Variants in SOBP observed in about 807,000 individuals in gnomAD.
SOBP encodes the protein sine oculis-binding protein homolog.
Under a neutral mutation model 53.6 loss-of-function variants are expected in SOBP, and 4 were observed. The observed-to-expected ratio is 0.07, with a 90% CI of 0.04 to 0.17. The LOEUF (loss-of-function observed/expected upper bound fraction) is 0.17, where lower values mean the gene tolerates loss of function less well. SOBP is among the 10% of genes least tolerant of loss of function. SOBP has a pLI of 1.00. For synonymous variants in SOBP, 584 were observed against 522.6 expected (o/e 1.12, Z -1.60); for missense variants, 1,088 against 1,204.7 (o/e 0.90, Z 1.43).
intron 5 of SOBP, among the ~76,000 whole-genome samples, chr6:107,609,918 G>A (rs1421544663): frequency 1.3e-5 from 2 of 152,152 alleles, no homozygotes; most frequent in African/African-American, 4.8e-5. Context: ...ATTCCTGACT[G>A]AGGATTTCTA....
chr6:107,599,421 A>G (rs1203033775), intron 5 of SOBP, among the ~76,000 whole-genome samples: 1 of 152,216 alleles, frequency 6.6e-6, no homozygotes, highest in East Asian at 1.9e-4. Flanking sequence ...CTTATGATAT[A>G]CAGCTTTCGG....
At chr6:107,539,528 C>T (rs541044258) in intron 4 of SOBP, among the ~76,000 whole-genome samples, 6 of 152,296 alleles carry the variant, frequency 3.9e-5, no homozygotes, top group East Asian at 3.9e-4. Context: ...TTTTTCTCAT[C>T]GGAACTGCCG....
Position 107,634,596 on chromosome 6 carries a change from C to T in SOBP, c.1752C>T (p.Pro584=). The part of the protein sequence containing the change: ...GGKPSGHSLS[P]RDSKQGSSKS... ...AGCCAAGCGGACACTCCCTGTCCCCCCGGGACTCCAAGCAGGGCTCGTCCA... is the reference window on the plus strand; with the variant it reads ...AGCCAAGCGGACACTCCCTGTCCCCTCGGGACTCCAAGCAGGGCTCGTCCA... The change falls in exon 6 of 7, where the codon CCC becomes CCT. Residue 584 remains proline (P), a synonymous_variant. Coordinates refer to ENST00000317357, the MANE Select transcript of SOBP (RefSeq NM_018013.4). The surrounding 1 kb of genome is among the most constrained non-coding windows in gnomAD (Gnocchi z 4.5). 1.2e-6 allele frequency: 2 copies of T among 1,601,828 alleles called. No individual in the cohort carries two copies. Among genetic ancestry groups the T allele is most frequent in the South Asian group, 1.1e-5 (1 of 90,834 alleles).
chr6:107,542,270 T>G (rs943282142), intron 4 of SOBP, among the ~76,000 whole-genome samples: 3 of 152,026 alleles, frequency 2.0e-5, no homozygotes, highest in Non-Finnish European at 2.9e-5. Context: ...GTGACGGAGC[T>G]AGTTGTGTGT....
intron 3 of SOBP, among the ~76,000 whole-genome samples, chr6:107,518,731 G>A (rs2114967439): frequency 6.9e-6 from 1 of 145,838 alleles, no homozygotes; most frequent in South Asian, 2.2e-4. Flanking sequence ...TATCATATGT[G>A]CACAATTTAG....
At chr6:107,513,724 C>CAAAAAAAAAA in intron 3 of SOBP, among the ~76,000 whole-genome samples, 1 of 96,310 alleles carries the variant, frequency 1.0e-5, no homozygotes, top group Non-Finnish European at 2.2e-5. Flanking sequence ...ATGCAATTCT[C>CAAAAAAAAAA]AAAAAAAAAA....
intron 4 of SOBP, among the ~76,000 whole-genome samples, chr6:107,583,296 G>A (rs566692724): frequency 1.1e-4 from 17 of 152,112 alleles, no homozygotes; most frequent in Non-Finnish European, 2.1e-4. Flanking sequence ...AAGCTTGTAG[G>A]CTACTAGGGG....
At chr6:107,495,929 T>C (rs1216250244) in intron 1 of SOBP, among the ~76,000 whole-genome samples, 1 of 151,996 alleles carries the variant, frequency 6.6e-6, no homozygotes, top group Non-Finnish European at 1.5e-5. Context: ...ACTTGTACTC[T>C]CAAGCTAATA....
chr6:107,536,534 T>C (rs1321553), intron 4 of SOBP, among the ~76,000 whole-genome samples: 142,480 of 152,242 alleles, frequency 0.94, 66,838 homozygotes, highest in Non-Finnish European at 0.97. Context: ...CTTCATTTCT[T>C]TTTGGGTTTC....
At chr6:107,506,005 T>A (rs1274760451) in intron 2 of SOBP, among the ~76,000 whole-genome samples, 1 of 152,208 alleles carries the variant, frequency 6.6e-6, no homozygotes, top group Non-Finnish European at 1.5e-5. Flanking sequence ...TCACCATGAT[T>A]CAACTGGAAT....
chr6:107,548,252 C>CTTTTTTTTTT (rs1300058979), intron 4 of SOBP, among the ~76,000 whole-genome samples: 1 of 150,014 alleles, frequency 6.7e-6, no homozygotes, highest in African/African-American at 2.5e-5. Context: ...TTTCTGTTTT[C>CTTTTTTTTTT]TTTTTGTTTT....
At chr6:107,618,370 A>T (rs1311744100) in intron 5 of SOBP, among the ~76,000 whole-genome samples, 1 of 152,282 alleles carries the variant, frequency 6.6e-6, no homozygotes, top group Middle Eastern at 3.4e-3. Context: ...GGGGTAGCTG[A>T]TCACCCATTC....
At chr6:107,518,294 C>A (rs1332087641) in intron 3 of SOBP, among the ~76,000 whole-genome samples, 1 of 152,062 alleles carries the variant, frequency 6.6e-6, no homozygotes, top group Non-Finnish European at 1.5e-5. Context: ...TAGTGAGAGA[C>A]CGGTAAACAC....
rs1347578963 is a variant in SOBP at position 107,634,900 on chromosome 6, G to A, written c.2056G>A (p.Glu686Lys). Residue 686 changes from glutamate (E) to lysine (K), a missense_variant, in exon 6 of 7, where the codon GAG becomes AAG. Glu to Lys is a moderately conservative substitution (Grantham distance 56). This residue lies in a region of SOBP where 665 missense variants were observed against 629.7 expected (regional missense o/e 1.06). Coordinates refer to ENST00000317357, the MANE Select transcript of SOBP (RefSeq NM_018013.4). The surrounding 1 kb of genome is among the most constrained non-coding windows in gnomAD (Gnocchi z 4.5). ...GGCGGAGCGCGAGCCGAGCGCCGCG[G>A]AGCGCAGGACCTGCGGCGGCTGCAG... Reference protein sequence around the residue: ...VKAEREPSAAERRTCGGCRDG... With the variant: ...VKAEREPSAAKRRTCGGCRDG... The A allele has an allele frequency of 1.5e-6, 2 of 1,296,620 alleles. No homozygotes were observed. Among genetic ancestry groups the A allele is most frequent in the Non-Finnish European group, 2.0e-6 (2 of 1,012,064 alleles). 80.3% of individuals were successfully genotyped at this position (1,296,620 alleles called of 1,614,324 possible). A position where few individuals can be genotyped will look rare whatever the true frequency, so the allele number is the denominator to read the frequency against.
chr6:107,615,800 A>G (rs887598760), intron 5 of SOBP, among the ~76,000 whole-genome samples: 5 of 151,988 alleles, frequency 3.3e-5, no homozygotes, highest in African/African-American at 9.7e-5. Flanking sequence ...ACTCTGGGTT[A>G]AAAGAAGATG....
chr6:107,497,073 T>C (rs1782720491), intron 1 of SOBP, among the ~76,000 whole-genome samples: 1 of 152,230 alleles, frequency 6.6e-6, no homozygotes, highest in African/African-American at 2.4e-5. Flanking sequence ...GCAGATTACC[T>C]TTCTTTATCT....
chr6:107,541,752 TA>T (rs1784152529), intron 4 of SOBP, among the ~76,000 whole-genome samples: 1 of 152,230 alleles, frequency 6.6e-6, no homozygotes. Context: ...ACTGCACATC[TA>T]AATCTTTGTT....
chr6:107,495,848 A>G (rs1782686140), intron 1 of SOBP, among the ~76,000 whole-genome samples: 1 of 152,158 alleles, frequency 6.6e-6, no homozygotes, highest in African/African-American at 2.4e-5. Context: ...AATTATTACA[A>G]GTAGTAGAAG....
At chr6:107,601,900 A>G (rs892145971) in intron 5 of SOBP, among the ~76,000 whole-genome samples, 2 of 152,262 alleles carry the variant, frequency 1.3e-5, no homozygotes, top group Admixed American at 1.3e-4. Context: ...AATGAGCAGC[A>G]GAAGTCTTGC....
Sources: gnomAD v4.1 joint callset for allele counts (sites outside exome capture counted in the v4.1 genomes callset) on GRCh38, gnomAD v4.1.1 for gene constraint, gnomAD v4.1.1 regional missense constraint, Gnocchi (gnomAD v3.1) non-coding constraint, MANE v1.5 for transcripts, NCBI Gene and HGNC (gene_info 2026-07-23, HGNC 2026-07-21) for gene names.